Variants in E2F3 observed in about 807,000 individuals in gnomAD.
The protein encoded by E2F3 is E2F transcription factor 3.
A neutral mutation model predicts 44.4 loss-of-function variants in E2F3; 11 were observed. The ratio of observed to expected loss-of-function variants is 0.25; its 90% CI spans 0.16 to 0.41. The LOEUF (loss-of-function observed/expected upper bound fraction) is 0.41, where lower values mean the gene tolerates loss of function less well. Ranked by LOEUF, E2F3 falls within the 10% of genes least tolerant of loss-of-function variation. E2F3 has a pLI of 1.00. For missense variants in E2F3, 487 were observed against 583.6 expected (o/e 0.83, Z 1.70); for synonymous variants, 249 against 253.0 (o/e 0.98, Z 0.15).
At chr6:20,432,467 G>A (rs564505411) in intron 1 of E2F3, among the ~76,000 whole-genome samples, 17 of 152,392 alleles carry the variant, frequency 1.1e-4, no homozygotes, top group African/African-American at 2.4e-4. Flanking sequence ...GGGGAAAGCC[G>A]TTTAGGTTTG....
At chr6:20,489,437 A>G (rs1218892423) in intron 6 of E2F3, among the ~76,000 whole-genome samples, 1 of 151,676 alleles carries the variant, frequency 6.6e-6, no homozygotes, top group East Asian at 1.9e-4. Context: ...TAGCCACTAC[A>G]CTCCAGCGTA....
At chr6:20,407,172 G>C (rs1014797682) in intron 1 of E2F3, among the ~76,000 whole-genome samples, 4 of 152,128 alleles carry the variant, frequency 2.6e-5, no homozygotes. Context: ...CAATAATCTT[G>C]CTTCTGCTGA....
chr6:20,471,542 T>C (rs889332848), intron 1 of E2F3, among the ~76,000 whole-genome samples: 1 of 152,102 alleles, frequency 6.6e-6, no homozygotes, highest in Non-Finnish European at 1.5e-5. Context: ...GACTGCACCA[T>C]TGCACTCTAG....
chr6:20,437,409 A>T (rs1760623832), intron 1 of E2F3, among the ~76,000 whole-genome samples: 1 of 152,182 alleles, frequency 6.6e-6, no homozygotes, highest in Admixed American at 6.5e-5. Context: ...TGGAAATGGA[A>T]CTGAGCAGCA....
intron 1 of E2F3, among the ~76,000 whole-genome samples, chr6:20,445,293 A>G (rs1581608528): frequency 6.6e-6 from 1 of 151,230 alleles, no homozygotes; most frequent in Non-Finnish European, 1.5e-5. Flanking sequence ...AGGCTGGAGT[A>G]CAGTGGCGCG....
intron 1 of E2F3, among the ~76,000 whole-genome samples, chr6:20,405,243 A>T (rs567425547): frequency 8.0e-4 from 122 of 152,276 alleles, no homozygotes; most frequent in Non-Finnish European, 6.8e-4. Flanking sequence ...TTATGTGCAC[A>T]CAAAAGGTTT....
chr6:20,474,030 A>G (rs570945884), intron 1 of E2F3, among the ~76,000 whole-genome samples: 1 of 152,198 alleles, frequency 6.6e-6, no homozygotes, highest in South Asian at 2.1e-4. Context: ...AGGGGCAACA[A>G]ATATCAGGCA....
rs4134988 is a variant in E2F3 at position 20,493,004 on chromosome 6, G to A, written c.*2574G>A. On this transcript the variant is annotated 3_prime_UTR_variant, in exon 7 of 7. Transcript: ENST00000346618. ...CTGCGTGAGCCTTAGAAAATAAAAT[G>A]TATAAAGGGCAACACATGAGCTGTC... 2.2e-4 allele frequency: 48 copies of A among 215,038 alleles called. 1 individual carries two copies. The South Asian group carries it at 8.2e-3, about 37-fold the overall frequency. The allele number at this position is 215,038 out of a possible 1,614,324, so 13.3% of individuals were successfully genotyped here.
At chr6:20,487,979 T>C (rs1762444034) in intron 5 of E2F3, 134 bp from the exon 6 acceptor site, 3 of 1,239,828 alleles carry the variant, frequency 2.4e-6, no homozygotes, top group South Asian at 2.8e-5. Context: ...CAGTCTTTCA[T>C]AGAGTTGGAC....
At position 20,402,886 on chromosome 6, in the gene E2F3, G is replaced by C. The variant is rs1759354782; in HGVS notation, c.393+261G>C. Among the ~76,000 whole-genome samples the C allele has an allele frequency of 6.6e-6, 1 of 152,202 alleles. No individual in the cohort carries two copies. Among genetic ancestry groups the C allele is most frequent in the East Asian group, 1.9e-4 (1 of 5,140 alleles). ...CACATCAAACACTCCAAAACTTTTC[G>C]CGGCCCCCCCTTCTTTTCCTGCACT... On this transcript the variant is annotated intron_variant, in intron 1 of 6. Coordinates refer to ENST00000346618, the MANE Select transcript of E2F3 (RefSeq NM_001949.5). This position sits in a 1 kb window ranked among gnomAD's most constrained non-coding sequence, Gnocchi z 5.6.
At chr6:20,459,611 G>A (rs1435566728) in intron 1 of E2F3, among the ~76,000 whole-genome samples, 2 of 151,934 alleles carry the variant, frequency 1.3e-5, no homozygotes, top group East Asian at 1.9e-4. Context: ...TAAAATAATC[G>A]ATATGGAAGT....
intron 1 of E2F3, among the ~76,000 whole-genome samples, chr6:20,427,566 C>T (rs1474909067): frequency 1.3e-5 from 2 of 152,126 alleles, no homozygotes; most frequent in Non-Finnish European, 2.9e-5. Flanking sequence ...TCTGCTCAGA[C>T]CTTCTGTGAC....
At chr6:20,422,047 G>C (rs755229161) in intron 1 of E2F3, among the ~76,000 whole-genome samples, 6 of 152,230 alleles carry the variant, frequency 3.9e-5, no homozygotes, top group Non-Finnish European at 7.3e-5. Context: ...AGCTATGCAA[G>C]TACTAAGTGG....
Position 20,402,567 on chromosome 6 carries a change from T to G in E2F3, c.335T>G (p.Leu112Arg). The G allele has an allele frequency of 1.9e-6, 3 of 1,541,922 alleles. No individual in the cohort carries two copies. The highest frequency in any genetic ancestry group is 1.7e-6 in the Non-Finnish European group (2 of 1,157,224). Residue 112 changes from leucine (L) to arginine (R), a missense_variant, in exon 1 of 7, where the codon CTG (leucine) becomes CGG (arginine). Leu to Arg is a moderately radical substitution (Grantham distance 102). Coordinates refer to ENST00000346618, the MANE Select transcript of E2F3 (RefSeq NM_001949.5). The surrounding 1 kb of genome is among the most constrained non-coding windows in gnomAD (Gnocchi z 5.6). ...TPHGPSSRAG[L>R]LQQPPALGRG... ...CACGGACCCTCCAGCAGAGCCGGGC[T>G]GCTGCAGCAGCCACCAGCGCTGGGA... is the stretch of plus-strand genomic sequence containing the variant.
chr6:20,443,998 G>T (rs891373841), intron 1 of E2F3, among the ~76,000 whole-genome samples: 1 of 152,076 alleles, frequency 6.6e-6, no homozygotes, highest in Admixed American at 6.6e-5. Context: ...GATTACTGAA[G>T]CCCAGGAGTT....
intron 1 of E2F3, among the ~76,000 whole-genome samples, chr6:20,465,709 C>G (rs1761679494): frequency 6.6e-6 from 1 of 152,194 alleles, no homozygotes; most frequent in South Asian, 2.1e-4. Flanking sequence ...GTTTGGTTTT[C>G]CATTCCTGAG....
At chr6:20,423,716 G>A (rs1202839217) in intron 1 of E2F3, among the ~76,000 whole-genome samples, 3 of 151,850 alleles carry the variant, frequency 2.0e-5, no homozygotes, top group Admixed American at 6.6e-5. Flanking sequence ...TGATCTGCCT[G>A]CCTCGGCCTC....
chr6:20,435,571 T>C (rs1034306595), intron 1 of E2F3, among the ~76,000 whole-genome samples: 29 of 152,068 alleles, frequency 1.9e-4, no homozygotes, highest in African/African-American at 7.0e-4. Context: ...GCCAACATGG[T>C]GAAACCCTGT....
chr6:20,432,739 C>G (rs1012897441), intron 1 of E2F3, among the ~76,000 whole-genome samples: 3 of 152,048 alleles, frequency 2.0e-5, no homozygotes. Context: ...TGTGGAAGAC[C>G]CTGTTCGACG....
Sources: gnomAD v4.1 joint callset for allele counts (sites outside exome capture counted in the v4.1 genomes callset) on GRCh38, gnomAD v4.1.1 for gene constraint, Gnocchi (gnomAD v3.1) non-coding constraint, MANE v1.5 for transcripts, NCBI Gene and HGNC (gene_info 2026-07-23, HGNC 2026-07-21) for gene names.